MSX2: variants seen among roughly 807,000 people sequenced by gnomAD.
The protein encoded by MSX2 is homeobox protein MSX-2.
In MSX2, 10 loss-of-function variants were observed where a neutral mutation model predicts 18.4. The ratio of observed to expected loss-of-function variants is 0.54; its 90% confidence interval spans 0.34 to 0.92. MSX2 has a LOEUF of 0.92. Among genes scored for constraint, MSX2 ranks in the 40% least tolerant of loss-of-function variants. MSX2 has a pLI of 0.02. For synonymous variants in MSX2, 170 were observed against 165.6 expected, an observed-to-expected ratio of 1.03 and a Z score of -0.20; for missense variants, 339 against 364.0, an observed-to-expected ratio of 0.93 and a Z score of 0.56.
At chr5:174,728,983 GTGTGTGTGTGTGTA>G (rs1760862844) in intron 1 of MSX2, among the ~76,000 whole-genome samples, 162 bp from the exon 2 acceptor site, 1 of 146,396 alleles carries the variant, frequency 6.8e-6, no homozygotes, top group African/African-American at 2.5e-5. Flanking sequence ...GTGTGTGTGT[GTGTGTGTGTGTGTA>G]TATGTATGTA....
rs200412087 is a variant in MSX2 at position 174,726,931 on chromosome 5, TC to T, written c.379+1896del. Reference sequence around the variant, plus strand: ...AACATCTCTGCCCTGTGCTCAAGCTTCCCTGCTCTGGGTAAGGCAACCTCGG... The same window carrying T: ...AACATCTCTGCCCTGTGCTCAAGCTTCCTGCTCTGGGTAAGGCAACCTCGG... On this transcript the variant is annotated intron_variant, in intron 1 of 1. Transcript: ENST00000239243. Among the ~76,000 whole-genome samples the T allele has an allele frequency of 8.9e-4, 135 of 152,238 alleles. No homozygotes were observed. In the East Asian group the frequency reaches 0.023, roughly 26 times the overall value.
intron 1 of MSX2, among the ~76,000 whole-genome samples, chr5:174,726,378 C>T (rs951765707): frequency 6.6e-6 from 1 of 152,194 alleles, no homozygotes; most frequent in Non-Finnish European, 1.5e-5. Context: ...TCCCCTCTGG[C>T]AGTCTCTCTC....
intron 1 of MSX2, among the ~76,000 whole-genome samples, 164 bp from the exon 2 acceptor site, chr5:174,728,995 G>GTGTGTGTA (rs1554097258): frequency 6.6e-6 from 1 of 150,398 alleles, no homozygotes; most frequent in Non-Finnish European, 1.5e-5. Context: ...GTGTGTGTGT[G>GTGTGTGTA]TATATGTATG....
chr5:174,730,714 A>G lies in MSX2; in HGVS notation c.*1131A>G, dbSNP rs1354982951. 1 of 152,618 alleles carries G rather than the reference A, an allele frequency of 6.6e-6. No homozygotes were observed. The highest frequency in any genetic ancestry group is 1.5e-5 in the Non-Finnish European group (1 of 68,046). The allele number at this position is 152,618 out of a possible 1,614,324, so 9.5% of individuals were successfully genotyped here. A position where few individuals can be genotyped will look rare whatever the true frequency, so the allele number is the denominator to read the frequency against. On this transcript the variant is annotated 3_prime_UTR_variant, in exon 2 of 2. Coordinates refer to ENST00000239243, the MANE Select transcript of MSX2 (RefSeq NM_002449.5). ...TTGACTTGGTGAAAATGGGATTGTC[A>G]AACAGCCCATTAAGTTCCCTGGTAT...
In MSX2 at chr5:174,724,926, G is replaced by A. The variant is rs1171476080; in HGVS notation, c.267G>A (p.Ala89=). The A allele has an allele frequency of 1.3e-6, 2 of 1,581,154 alleles. No individual in the cohort carries two copies. The highest frequency in any genetic ancestry group is 1.9e-5 in the Admixed American group (1 of 52,488). ...TGTCGGGGCACGGCGCTCGGGAAGC[G>A]CACAGCCCCGGGCCGCTGGTGAAGC... ...LLLSGHGARE[A]HSPGPLVKPF... The change falls in exon 1 of 2, where the codon GCG becomes GCA. Residue 89 remains alanine, a synonymous_variant. Transcript: ENST00000239243.
rs746748359 is a variant in MSX2 at position 174,725,033 on chromosome 5, C to T, written c.374C>T (p.Pro125Leu). ...WMQEPGRYSP[P>L]PRHMSPTTCT... ...CAGGAACCCGGCCGATATTCGCCGC[C>T]GCCAAGTGAGTGCGCGCCGGGGCAG... Residue 125 changes from proline to leucine, a missense_variant, in exon 1 of 2, where the codon CCG becomes CTG. Pro to Leu is a moderately conservative substitution (Grantham distance 98). Around this residue, in one of 2 missense-constraint regions of MSX2, gnomAD observed 211 missense variants for 185.4 expected, o/e 1.14. Coordinates refer to ENST00000239243, the MANE Select transcript of MSX2 (RefSeq NM_002449.5). 1 of 1,610,520 alleles carries T rather than the reference C, an allele frequency of 6.2e-7. No individual in the cohort carries two copies. Among genetic ancestry groups the T allele is most frequent in the Non-Finnish European group, 8.5e-7 (1 of 1,179,396 alleles).
rs932163493 is a variant in MSX2, at chr5:174,724,816, A to G, written c.157A>G (p.Met53Val). ...CCTGCCCTTCAGCGTGGAGGCGCTC[A>G]TGTCCGACAAGAAGCCGCCCAAGGA... ...SSLPFSVEALMSDKKPPKEAS... is the reference protein window; with the variant it reads ...SSLPFSVEALVSDKKPPKEAS... Residue 53 changes from methionine to valine, a missense_variant, in exon 1 of 2, where the codon ATG (methionine) becomes GTG (valine). Met to Val is a conservative substitution (Grantham distance 21). Around this residue, in one of 2 missense-constraint regions of MSX2, gnomAD observed 211 missense variants for 185.4 expected, o/e 1.14. Coordinates refer to ENST00000239243, the MANE Select transcript of MSX2 (RefSeq NM_002449.5). 6 of 1,551,600 alleles carry G rather than the reference A, an allele frequency of 3.9e-6. No homozygotes were observed. In the African/African-American group the frequency reaches 4.1e-5, roughly 11 times the overall value.
rs370893406 is a variant in MSX2, at chr5:174,729,301, G to A, written c.522G>A (p.Glu174=). The change falls in exon 2 of 2, where the codon GAG becomes GAA. Residue 174 remains glutamate, a synonymous_variant. Transcript: ENST00000239243. ...KQYLSIAERA[E]FSSSLNLTET... The stretch of plus-strand genomic sequence containing the variant: ...ACCTCTCCATTGCAGAGCGTGCAGA[G>A]TTCTCCAGCTCTCTGAACCTCACAG... 1.1e-5 allele frequency: 18 copies of A among 1,614,026 alleles called. 1 individual carries two copies. The African/African-American group carries it at 2.3e-4, about 20-fold the overall frequency.
intron 1 of MSX2, among the ~76,000 whole-genome samples, chr5:174,726,958 G>GA (rs1174450495): frequency 2.0e-5 from 3 of 152,032 alleles, no homozygotes; most frequent in African/African-American, 7.3e-5. Context: ...GCAACCTCGG[G>GA]CCCAGGCTGT....
intron 1 of MSX2, among the ~76,000 whole-genome samples, chr5:174,728,371 A>G (rs1344795542): frequency 6.6e-6 from 1 of 152,214 alleles, no homozygotes; most frequent in Non-Finnish European, 1.5e-5. Flanking sequence ...TCCCACATCC[A>G]GATCTGTAAA....
chr5:174,729,597 A>G lies in MSX2; in HGVS notation c.*14A>G. ...CACCTGTCCTAAGGAAGACCAGATCAATAGACTCCATGATGGATGCTTGTT... is the reference window on the plus strand; with the variant it reads ...CACCTGTCCTAAGGAAGACCAGATCGATAGACTCCATGATGGATGCTTGTT... On this transcript the variant is annotated 3_prime_UTR_variant, in exon 2 of 2. Coordinates refer to ENST00000239243, the MANE Select transcript of MSX2 (RefSeq NM_002449.5). 2 of 1,605,904 alleles carry G rather than the reference A, an allele frequency of 1.2e-6. No homozygotes were observed. Among genetic ancestry groups the G allele is most frequent in the African/African-American group, 1.3e-5 (1 of 75,008 alleles).
At position 174,724,815 on chromosome 5, in the gene MSX2, C is replaced by T. The variant is rs920665660; in HGVS notation, c.156C>T (p.Leu52=). 1.3e-6 allele frequency: 2 copies of T among 1,551,732 alleles called. No individual in the cohort carries two copies. Among genetic ancestry groups the T allele is most frequent in the Admixed American group, 2.0e-5 (1 of 51,056 alleles). The change falls in exon 1 of 2, where the codon CTC becomes CTT. Residue 52 remains leucine (L), a synonymous_variant. Coordinates refer to ENST00000239243, the MANE Select transcript of MSX2 (RefSeq NM_002449.5). ...GCCTGCCCTTCAGCGTGGAGGCGCT[C>T]ATGTCCGACAAGAAGCCGCCCAAGG... ...VSSLPFSVEA[L]MSDKKPPKEA...
Position 174,724,737 on chromosome 5 carries a change from G to A in MSX2, c.78G>A (p.Pro26=), listed in dbSNP as rs982143812. ...EGPAVVAGPG[P]GPGGAEGAAE... is the part of the protein sequence containing the mutation. ...CAGCAGTGGTGGCCGGACCAGGCCC[G>A]GGGCCTGGGGGCGCCGAGGGGGCCG... The change falls in exon 1 of 2, where the codon CCG becomes CCA. Residue 26 remains proline (P), a synonymous_variant. Transcript: ENST00000239243. 6.3e-7 allele frequency: 1 copy of A among 1,580,900 alleles called. No individual in the cohort carries two copies. Among genetic ancestry groups the A allele is most frequent in the Non-Finnish European group, 8.6e-7 (1 of 1,164,158 alleles).
chr5:174,729,436 C>T lies in MSX2; in HGVS notation c.657C>T (p.Ser219=). The change falls in exon 2 of 2, where the codon AGC becomes AGT. Residue 219 remains serine, a synonymous_variant. Coordinates refer to ENST00000239243, the MANE Select transcript of MSX2 (RefSeq NM_002449.5). ...KMAAKPMLPS[S]FSLPFPISSP... ...CTGCAAAACCTATGCTGCCCTCCAGCTTCAGTCTCCCTTTCCCCATCAGCT... is the reference window on the plus strand; with the variant it reads ...CTGCAAAACCTATGCTGCCCTCCAGTTTCAGTCTCCCTTTCCCCATCAGCT... 6.2e-7 allele frequency: 1 copy of T among 1,614,102 alleles called. No homozygotes were observed. Among genetic ancestry groups the T allele is most frequent in the South Asian group, 1.1e-5 (1 of 91,084 alleles).
Position 174,729,726 on chromosome 5 carries a change from A to G in MSX2, c.*143A>G. 1 of 811,654 alleles carries G rather than the reference A, an allele frequency of 1.2e-6. No homozygotes were observed. Among genetic ancestry groups the G allele is most frequent in the Non-Finnish European group, 2.0e-6 (1 of 491,538 alleles). 50.3% of individuals were successfully genotyped at this position (811,654 alleles called of 1,614,324 possible). A position where few individuals can be genotyped will look rare whatever the true frequency, so the allele number is the denominator to read the frequency against. ...TAAGCGGCTAGGCTGACAGGGCCAC[A>G]CGACATAGCTGAAATTTGTTCTGTA... On this transcript the variant is annotated 3_prime_UTR_variant, in exon 2 of 2. Coordinates refer to ENST00000239243, the MANE Select transcript of MSX2 (RefSeq NM_002449.5).
chr5:174,727,144 A>AGTG (rs1017655862), intron 1 of MSX2, among the ~76,000 whole-genome samples: 1 of 151,836 alleles, frequency 6.6e-6, no homozygotes, highest in African/African-American at 2.4e-5. Flanking sequence ...TGGTCAGAGT[A>AGTG]GTGGGTCCTG....
intron 1 of MSX2, among the ~76,000 whole-genome samples, chr5:174,728,073 A>G (rs1760842288): frequency 6.6e-6 from 1 of 152,200 alleles, no homozygotes; most frequent in Non-Finnish European, 1.5e-5. Context: ...CTATGGAATC[A>G]CAAGGATGTC....
Position 174,724,747 on chromosome 5 carries a change from G to A in MSX2, c.88G>A (p.Gly30Ser). The A allele has an allele frequency of 6.4e-7, 1 of 1,573,774 alleles. No individual in the cohort carries two copies. Among genetic ancestry groups the A allele is most frequent in the Non-Finnish European group, 8.6e-7 (1 of 1,160,328 alleles). The change falls in exon 1 of 2, where the codon GGC (glycine) becomes AGC (serine). Residue 30 changes from glycine (G) to serine (S), a missense_variant. Coordinates refer to ENST00000239243, the MANE Select transcript of MSX2 (RefSeq NM_002449.5). ...GGCCGGACCAGGCCCGGGGCCTGGG[G>A]GCGCCGAGGGGGCCGCGGAGGAGCG... ...VVAGPGPGPG[G>S]AEGAAEERRV...
chr5:174,725,003 G>C lies in MSX2; in HGVS notation c.344G>C (p.Trp115Ser). 1 of 1,610,670 alleles carries C rather than the reference G, an allele frequency of 6.2e-7. No homozygotes were observed. Among genetic ancestry groups the C allele is most frequent in the Non-Finnish European group, 8.5e-7 (1 of 1,179,474 alleles). The change falls in exon 1 of 2, where the codon TGG becomes TCG. Residue 115 changes from tryptophan to serine, a missense_variant. Transcript: ENST00000239243. ...KSENSEDGAA[W>S]MQEPGRYSPP... Reference sequence around the variant, plus strand: ...GAAAATTCAGAAGATGGAGCGGCGTGGATGCAGGAACCCGGCCGATATTCG... The same window carrying C: ...GAAAATTCAGAAGATGGAGCGGCGTCGATGCAGGAACCCGGCCGATATTCG...
Sources: gnomAD v4.1 joint callset for allele counts (sites outside exome capture counted in the v4.1 genomes callset) on GRCh38, gnomAD v4.1.1 for gene constraint, gnomAD v4.1.1 regional missense constraint, MANE v1.5 for transcripts, NCBI Gene and HGNC (gene_info 2026-07-23, HGNC 2026-07-21) for gene names.